C7orf78: variants seen among roughly 807,000 people sequenced by gnomAD.
C7orf78 encodes the protein putative uncharacterized protein C7orf78.
the C7orf78 span, among the ~76,000 whole-genome samples, chr7:12,528,086 A>C: frequency 2.0e-5 from 3 of 147,838 alleles, no homozygotes; most frequent in African/African-American, 7.5e-5. Context: ...TTTGGTAGAA[A>C]ATGCCATCTA....
the C7orf78 span, among the ~76,000 whole-genome samples, chr7:12,533,499 C>T: frequency 6.7e-6 from 1 of 150,368 alleles, no homozygotes; most frequent in Non-Finnish European, 1.5e-5. Flanking sequence ...CAGCGCCCAG[C>T]CACCAAAGGT....
At chr7:12,510,543 G>A in the C7orf78 span, among the ~76,000 whole-genome samples, 3 of 152,204 alleles carry the variant, frequency 2.0e-5, no homozygotes, top group South Asian at 6.2e-4. Flanking sequence ...TGTATACATA[G>A]TTTCCTTTTT....
At chr7:12,492,853 T>C in the C7orf78 span, among the ~76,000 whole-genome samples, 2 of 152,320 alleles carry the variant, frequency 1.3e-5, no homozygotes, top group South Asian at 2.1e-4. Flanking sequence ...AGTCTTACTT[T>C]AGGAAAGAAA....
the C7orf78 span, among the ~76,000 whole-genome samples, chr7:12,498,941 A>G: frequency 6.6e-6 from 1 of 151,894 alleles, no homozygotes; most frequent in African/African-American, 2.4e-5. Flanking sequence ...AACATTCTTA[A>G]AGAAAAGAAT....
At chr7:12,524,481 G>A in the C7orf78 span, among the ~76,000 whole-genome samples, 2 of 152,092 alleles carry the variant, frequency 1.3e-5, no homozygotes, top group Non-Finnish European at 2.9e-5. Flanking sequence ...TCCATTCATA[G>A]TAAATAACAT....
chr7:12,507,747 C>G, the C7orf78 span, among the ~76,000 whole-genome samples: 1 of 152,214 alleles, frequency 6.6e-6, no homozygotes, highest in African/African-American at 2.4e-5. Context: ...CATTTCCAGA[C>G]AAGGTTGTAG....
the C7orf78 span, among the ~76,000 whole-genome samples, chr7:12,521,616 C>G: frequency 6.7e-6 from 1 of 148,250 alleles, no homozygotes; most frequent in African/African-American, 2.5e-5. Context: ...TATCATGTCA[C>G]CTAAATCGTT....
the C7orf78 span, chr7:12,525,697 C>G: frequency 2.6e-6 from 1 of 383,398 alleles, no homozygotes; most frequent in Non-Finnish European, 4.6e-6. Flanking sequence ...TTGAATGCCA[C>G]AACAAAATCA....
the C7orf78 span, among the ~76,000 whole-genome samples, chr7:12,493,387 C>A: frequency 6.6e-6 from 1 of 152,304 alleles, no homozygotes; most frequent in African/African-American, 2.4e-5. Flanking sequence ...TCTGTATTAG[C>A]AATTCCCTGA....
the C7orf78 span, among the ~76,000 whole-genome samples, chr7:12,535,403 C>G: frequency 3.9e-5 from 6 of 152,108 alleles, no homozygotes; most frequent in Admixed American, 3.9e-4. Flanking sequence ...CTCATGAGAC[C>G]CATTCACTAT....
the C7orf78 span, among the ~76,000 whole-genome samples, chr7:12,515,387 C>T: frequency 2.6e-5 from 4 of 152,194 alleles, no homozygotes; most frequent in Admixed American, 2.6e-4. Flanking sequence ...AATTCTGAGG[C>T]CTCCCCAGCC....
chr7:12,532,493 G>A, the C7orf78 span, among the ~76,000 whole-genome samples: 4 of 150,552 alleles, frequency 2.7e-5, no homozygotes, highest in Non-Finnish European at 4.4e-5. Flanking sequence ...AGGTTGCAGT[G>A]AGCCAACATT....
At chr7:12,497,951 G>C in the C7orf78 span, among the ~76,000 whole-genome samples, 45 of 151,226 alleles carry the variant, frequency 3.0e-4, no homozygotes, top group African/African-American at 8.5e-4. Flanking sequence ...GCCTAACTGG[G>C]AGGCACCCTC....
chr7:12,516,781 G>T, the C7orf78 span, among the ~76,000 whole-genome samples: 3 of 152,146 alleles, frequency 2.0e-5, no homozygotes, highest in African/African-American at 2.4e-5. Context: ...TTTCAGACTT[G>T]CATGGGCCCT....
the C7orf78 span, among the ~76,000 whole-genome samples, chr7:12,511,239 A>G: frequency 6.6e-6 from 1 of 152,138 alleles, no homozygotes; most frequent in Admixed American, 6.6e-5. Flanking sequence ...TACCTGTGGT[A>G]TATGCATCAA....
chr7:12,489,175 A>G, the C7orf78 span, among the ~76,000 whole-genome samples: 30,363 of 151,936 alleles, frequency 0.2, 4,209 homozygotes, highest in African/African-American at 0.4. Context: ...GACATCTGTC[A>G]TGAAAAAGAT....
the C7orf78 span, among the ~76,000 whole-genome samples, chr7:12,535,898 A>T: frequency 3.5e-4 from 53 of 152,218 alleles, 1 homozygote; most frequent in South Asian, 2.7e-3. Context: ...GGTCATGCTG[A>T]CACAAGAGGT....
the C7orf78 span, among the ~76,000 whole-genome samples, chr7:12,515,372 A>T: frequency 7.2e-5 from 11 of 152,116 alleles, no homozygotes; most frequent in Non-Finnish European, 1.5e-4. Context: ...TTCACCTCCC[A>T]CCATAATTCT....
the C7orf78 span, among the ~76,000 whole-genome samples, chr7:12,534,456 A>G: frequency 6.6e-6 from 1 of 152,210 alleles, no homozygotes; most frequent in Non-Finnish European, 1.5e-5. Context: ...CAAAAACACT[A>G]TCTATAAAGA....
Sources: gnomAD v4.1 joint callset for allele counts (sites outside exome capture counted in the v4.1 genomes callset) on GRCh38, gnomAD v4.1.1 for gene constraint, MANE v1.5 for transcripts, NCBI Gene and HGNC (gene_info 2026-07-23, HGNC 2026-07-21) for gene names.